The following SLC9A2 variants were observed in gnomAD, a reference collection of about 807,000 sequenced individuals.
The protein encoded by SLC9A2 is sodium/hydrogen exchanger 2.
A neutral mutation model predicts 71.7 loss-of-function variants in SLC9A2; 42 were observed. The observed-to-expected ratio is 0.59, with a 90% confidence interval of 0.46 to 0.76. SLC9A2 has a LOEUF of 0.76. SLC9A2 is among the 30% of genes least tolerant of loss of function. The pLI is 0.00. For missense variants in SLC9A2, 829 were observed against 1,017.4 expected (o/e 0.81, Z 2.52); for synonymous variants, 396 against 392.5 (o/e 1.01, Z -0.10).
In SLC9A2 at chr2:102,619,657, A is replaced by G. The variant is rs1036113623; in HGVS notation, c.-192A>G. 12 of 469,196 alleles carry G rather than the reference A, an allele frequency of 2.6e-5. No homozygotes were observed. The highest frequency in any genetic ancestry group is 4.4e-5 in the Non-Finnish European group (12 of 274,130). 29.1% of individuals were successfully genotyped at this position (469,196 alleles called of 1,614,324 possible). On this transcript the variant is annotated 5_prime_UTR_variant, in exon 1 of 12. Coordinates refer to ENST00000233969, the MANE Select transcript of SLC9A2 (RefSeq NM_003048.6). The surrounding 1 kb of genome is among the most constrained non-coding windows in gnomAD (Gnocchi z 4.3). ...CTCGTCGCCCTGCACGTGCCTCGCC[A>G]GGCAGTGCGCCTGCTCGCAGCGAGG...
At chr2:102,669,724 A>G (rs1677209870) in intron 3 of SLC9A2, among the ~76,000 whole-genome samples, 1 of 152,152 alleles carries the variant, frequency 6.6e-6, no homozygotes. Context: ...GGTGTGTTTA[A>G]CCTCATTTTA....
At chr2:102,667,695 G>A (rs1049931827) in intron 3 of SLC9A2, among the ~76,000 whole-genome samples, 2 of 152,140 alleles carry the variant, frequency 1.3e-5, no homozygotes, top group East Asian at 1.9e-4. Context: ...GCTGTGGTTC[G>A]TGGGCCTTTG....
intron 1 of SLC9A2, among the ~76,000 whole-genome samples, chr2:102,627,713 C>T (rs1042106010): frequency 2.6e-5 from 4 of 151,922 alleles, no homozygotes; most frequent in African/African-American, 4.8e-5. Context: ...TCTGCTTCTG[C>T]TCTTACATTT....
chr2:102,659,460 A>C (rs145490780), intron 2 of SLC9A2, among the ~76,000 whole-genome samples: 1,540 of 152,058 alleles, frequency 0.01, 24 homozygotes, highest in African/African-American at 0.036. Context: ...AATAATAATA[A>C]AATAAAAGTC....
intron 7 of SLC9A2, among the ~76,000 whole-genome samples, chr2:102,698,096 T>C (rs1677801812): frequency 6.6e-6 from 1 of 152,164 alleles, no homozygotes; most frequent in Admixed American, 6.5e-5. Context: ...CTCTCTCTAG[T>C]GAAAAGCTAA....
intron 2 of SLC9A2, among the ~76,000 whole-genome samples, chr2:102,660,510 C>T (rs1305133326): frequency 6.6e-6 from 1 of 152,200 alleles, no homozygotes; most frequent in African/African-American, 2.4e-5. Flanking sequence ...GAGTACTGTA[C>T]TGAATTGAGC....
In SLC9A2 at chr2:102,665,309, C is replaced by T. The variant is rs1166967868; in HGVS notation, c.963C>T (p.Ser321=). ...TTGTTTTCCTGTACAGTTATTTGTCCTACATCACAGCTGAAATGTTTCACC... is the reference window on the plus strand; with the variant it reads ...TTGTTTTCCTGTACAGTTATTTGTCTTACATCACAGCTGAAATGTTTCACC... The part of the protein sequence containing the change: ...PLFVFLYSYL[S]YITAEMFHLS... The change falls in exon 3 of 12, where the codon TCC becomes TCT. Residue 321 remains serine, a synonymous_variant. Coordinates refer to ENST00000233969, the MANE Select transcript of SLC9A2 (RefSeq NM_003048.6). 3 of 1,613,894 alleles carry T rather than the reference C, an allele frequency of 1.9e-6. No individual in the cohort carries two copies. Among genetic ancestry groups the T allele is most frequent in the Admixed American group, 1.7e-5 (1 of 59,996 alleles).
chr2:102,664,023 C>A (rs1271002204), intron 2 of SLC9A2, among the ~76,000 whole-genome samples: 4 of 152,134 alleles, frequency 2.6e-5, no homozygotes, highest in Non-Finnish European at 4.4e-5. Context: ...TGCCTGTAAT[C>A]CTAGCATTTT....
intron 1 of SLC9A2, among the ~76,000 whole-genome samples, chr2:102,621,389 C>T: frequency 6.7e-6 from 1 of 149,256 alleles, no homozygotes; most frequent in South Asian, 2.1e-4. Flanking sequence ...CACTTTCATA[C>T]TACCTTTAAC....
intron 5 of SLC9A2, among the ~76,000 whole-genome samples, chr2:102,685,985 C>G (rs1573427411): frequency 6.6e-6 from 1 of 152,088 alleles, no homozygotes; most frequent in Non-Finnish European, 1.5e-5. Flanking sequence ...CTTAAGATAT[C>G]GTGGGAAGAA....
At chr2:102,658,050 G>GA in intron 2 of SLC9A2, 23 bp downstream of exon 2, 1 of 1,552,878 alleles carries the variant, frequency 6.4e-7, no homozygotes, top group Non-Finnish European at 8.8e-7. Flanking sequence ...CACACTGCAT[G>GA]ACTCCAACAG....
chr2:102,670,594 C>T (rs1460457148), intron 3 of SLC9A2, among the ~76,000 whole-genome samples: 5 of 129,804 alleles, frequency 3.9e-5, no homozygotes, highest in African/African-American at 1.2e-4. Context: ...ATCCCCTCCC[C>T]CCACCAAAAA....
chr2:102,663,743 T>A (rs907870382), intron 2 of SLC9A2, among the ~76,000 whole-genome samples: 1 of 152,222 alleles, frequency 6.6e-6, no homozygotes, highest in African/African-American at 2.4e-5. Flanking sequence ...TCAGTCGGTT[T>A]TCCTGGAGAT....
At chr2:102,658,132 G>C (rs983719645) in intron 2 of SLC9A2, 105 bp downstream of exon 2, 2 of 810,992 alleles carry the variant, frequency 2.5e-6, no homozygotes, top group African/African-American at 3.4e-5. Context: ...TGCACACAGG[G>C]TGGTTTCATG....
chr2:102,625,316 A>AT (rs1167831567), intron 1 of SLC9A2, among the ~76,000 whole-genome samples: 5 of 152,116 alleles, frequency 3.3e-5, no homozygotes, highest in East Asian at 1.9e-4. Flanking sequence ...AAAATAATAG[A>AT]TTTTTTAAAT....
intron 5 of SLC9A2, among the ~76,000 whole-genome samples, chr2:102,691,211 C>G (rs1407391568): frequency 6.6e-6 from 1 of 152,100 alleles, no homozygotes; most frequent in Non-Finnish European, 1.5e-5. Flanking sequence ...GTATGTATGC[C>G]AAAGTGAATG....
intron 1 of SLC9A2, among the ~76,000 whole-genome samples, chr2:102,621,270 C>G (rs948042641): frequency 6.7e-6 from 1 of 149,132 alleles, no homozygotes; most frequent in African/African-American, 2.5e-5. Context: ...ATCGCTTAAA[C>G]TCAGGAGGTT....
chr2:102,629,992 A>G (rs980504387), intron 1 of SLC9A2, among the ~76,000 whole-genome samples: 2 of 152,124 alleles, frequency 1.3e-5, no homozygotes, highest in African/African-American at 4.8e-5. Context: ...ATAAATTCCT[A>G]GAACATGAAA....
chr2:102,675,865 C>G (rs939713983), intron 3 of SLC9A2, among the ~76,000 whole-genome samples: 5 of 152,200 alleles, frequency 3.3e-5, no homozygotes, highest in African/African-American at 1.2e-4. Context: ...TCTTTGCAAG[C>G]CTCTGCCTAT....
Sources: allele counts gnomAD v4.1 joint callset (sites outside exome capture counted in the v4.1 genomes callset), GRCh38; gene constraint gnomAD v4.1.1; non-coding constraint Gnocchi (gnomAD v3.1); transcripts MANE v1.5; gene names NCBI Gene and HGNC (gene_info 2026-07-23, HGNC 2026-07-21).